The following EXPH5 variants were observed in gnomAD, a reference collection of about 807,000 sequenced individuals.
The protein encoded by EXPH5 is exophilin-5.
Under a neutral mutation model 41.1 loss-of-function variants are expected in EXPH5, and 42 were observed. The observed-to-expected ratio is 1.02, with a 90% CI of 0.80 to 1.32. EXPH5 has a LOEUF of 1.32. Among genes scored for constraint, EXPH5 ranks in the 40% most tolerant of loss-of-function variants. EXPH5 has a pLI of 0.00. For synonymous variants in EXPH5, 798 were observed against 833.5 expected, an observed-to-expected ratio of 0.96 and a Z score of 0.73; for missense variants, 2,298 against 2,314.5, an observed-to-expected ratio of 0.99 and a Z score of 0.15.
In EXPH5 at chr11:108,506,500, C is replaced by T. The variant is rs2135883710; in HGVS notation, c.*3037G>A. On this transcript the variant is annotated 3_prime_UTR_variant, in exon 6 of 6. Coordinates refer to ENST00000265843, the MANE Select transcript of EXPH5 (RefSeq NM_015065.3). Reference sequence around the variant, plus strand: ...CTAACTTACCTAACTCTTAATATAGCCTAAACTCACTGAAAAATAAGCTAA... The same window carrying T: ...CTAACTTACCTAACTCTTAATATAGTCTAAACTCACTGAAAAATAAGCTAA... 6.6e-6 allele frequency: 1 copy of T among 152,176 alleles called. No homozygotes were observed. The highest frequency in any genetic ancestry group is 2.4e-5 in the African/African-American group (1 of 41,502). The allele number at this position is 152,176 out of a possible 1,614,324, so 9.4% of individuals were successfully genotyped here.
At chr11:108,526,198 T>C (rs189242915) in intron 4 of EXPH5, among the ~76,000 whole-genome samples, 56 of 152,242 alleles carry the variant, frequency 3.7e-4, no homozygotes, top group African/African-American at 1.3e-3. Context: ...GTTGAGATTA[T>C]AGGCATGAAC....
In EXPH5 at chr11:108,508,173, C is replaced by T. The variant is rs1281822215; in HGVS notation, c.*1364G>A. 1 of 151,974 alleles carries T rather than the reference C, an allele frequency of 6.6e-6. No individual in the cohort carries two copies. The highest frequency in any genetic ancestry group is 6.6e-5 in the Admixed American group (1 of 15,174). The allele number at this position is 151,974 out of a possible 1,614,324, so 9.4% of individuals were successfully genotyped here. Reference sequence around the variant, plus strand: ...TAGCCTGAGCAACAAGAACAAGACTCCACCTCAAAACAAAAACAAAAACAA... The same window carrying T: ...TAGCCTGAGCAACAAGAACAAGACTTCACCTCAAAACAAAAACAAAAACAA... On this transcript the variant is annotated 3_prime_UTR_variant, in exon 6 of 6. Transcript: ENST00000265843.
intron 1 of EXPH5, among the ~76,000 whole-genome samples, chr11:108,590,109 G>C (rs2094123913): frequency 6.6e-6 from 1 of 152,154 alleles, no homozygotes; most frequent in East Asian, 1.9e-4. Context: ...CAAGCGTAAG[G>C]CGTATCTTGA....
At chr11:108,572,275 G>A (rs2094063071) in intron 1 of EXPH5, among the ~76,000 whole-genome samples, 1 of 152,140 alleles carries the variant, frequency 6.6e-6, no homozygotes, top group Non-Finnish European at 1.5e-5. Context: ...TAGCTCCGGG[G>A]CAGAAGAACC....
rs1372386915 is a variant in EXPH5, at chr11:108,508,524, A to G, written c.*1013T>C. 6.6e-6 allele frequency: 1 copy of G among 152,632 alleles called. No individual in the cohort carries two copies. Among genetic ancestry groups the G allele is most frequent in the Non-Finnish European group, 1.5e-5 (1 of 68,384 alleles). The allele number at this position is 152,632 out of a possible 1,614,324, so 9.5% of individuals were successfully genotyped here. On this transcript the variant is annotated 3_prime_UTR_variant, in exon 6 of 6. Coordinates refer to ENST00000265843, the MANE Select transcript of EXPH5 (RefSeq NM_015065.3). ...TCCGTCTCCAAAAAACAAAAACAAAACAAAACCAAACAAAAAACAAAAACA... is the reference window on the plus strand; with the variant it reads ...TCCGTCTCCAAAAAACAAAAACAAAGCAAAACCAAACAAAAAACAAAAACA...
intron 4 of EXPH5, among the ~76,000 whole-genome samples, chr11:108,521,044 C>T (rs1164313735): frequency 7.9e-5 from 12 of 152,194 alleles, no homozygotes; most frequent in Admixed American, 7.9e-4. Flanking sequence ...CTCTGTCACT[C>T]ATGACTCCAC....
chr11:108,541,618 G>T (rs1455919934), intron 2 of EXPH5, 34 bp downstream of exon 2: 4 of 1,480,740 alleles, frequency 2.7e-6, no homozygotes, highest in South Asian at 1.2e-5. Flanking sequence ...CAGAAACAAA[G>T]AAATCAACTT....
chr11:108,511,714 A>G lies in EXPH5; in HGVS notation c.3793T>C (p.Cys1265Arg), dbSNP rs777876930. 9 of 1,608,426 alleles carry G rather than the reference A, an allele frequency of 5.6e-6. No individual in the cohort carries two copies. The highest frequency in any genetic ancestry group is 3.4e-5 in the Admixed American group (2 of 58,434). The change falls in exon 6 of 6, where the codon TGT becomes CGT. Residue 1265 changes from cysteine (C) to arginine (R), a missense_variant. Physicochemically the swap from Cys to Arg is radical, Grantham distance 180. Coordinates refer to ENST00000265843, the MANE Select transcript of EXPH5 (RefSeq NM_015065.3). The part of the protein sequence containing the change: ...TLPRKPSKKF[C>R]NLLQQYTQNT... ...TGTGTATACTGTTGAAGGAGGTTACAGAATTTTTTGCTGGGTTTCCTCGGT... is the reference window on the plus strand; with the variant it reads ...TGTGTATACTGTTGAAGGAGGTTACGGAATTTTTTGCTGGGTTTCCTCGGT...
At chr11:108,598,518 C>T (rs1240395637), upstream of EXPH5, among the ~76,000 whole-genome samples, 5 of 96,144 alleles carry the variant, frequency 5.2e-5, no homozygotes, top group African/African-American at 1.2e-4. Context: ...GTGTGATAAA[C>T]GCTATGAAGA....
Position 108,513,005 on chromosome 11 carries a change from A to T in EXPH5, c.2502T>A (p.Thr834=). 6.2e-7 allele frequency: 1 copy of T among 1,613,964 alleles called. No homozygotes were observed. Among genetic ancestry groups the T allele is most frequent in the Non-Finnish European group, 8.5e-7 (1 of 1,179,918 alleles). The change falls in exon 6 of 6, where the codon ACT becomes ACA. Residue 834 remains threonine (T), a synonymous_variant. Coordinates refer to ENST00000265843, the MANE Select transcript of EXPH5 (RefSeq NM_015065.3). ...TTCTTGAAATATCTTCATTATTTAC[A>T]GTTAATTCCTGGTGACAACCTTGGT... The part of the protein sequence containing the change: ...RTDQGCHQEL[T]VNNEDISRII...
At chr11:108,557,277 G>T (rs1210426177) in intron 1 of EXPH5, among the ~76,000 whole-genome samples, 1 of 152,084 alleles carries the variant, frequency 6.6e-6, no homozygotes, top group Non-Finnish European at 1.5e-5. Flanking sequence ...CAGAAAACAA[G>T]ACAGACAATG....
intron 3 of EXPH5, among the ~76,000 whole-genome samples, chr11:108,533,297 G>A (rs887326113): frequency 1.3e-5 from 2 of 151,788 alleles, no homozygotes; most frequent in South Asian, 2.1e-4. Flanking sequence ...TCTGCCTCCC[G>A]GGTTCGAGTG....
At chr11:108,562,882 A>G (rs974789295) in intron 1 of EXPH5, among the ~76,000 whole-genome samples, 1 of 152,202 alleles carries the variant, frequency 6.6e-6, no homozygotes, top group Non-Finnish European at 1.5e-5. Flanking sequence ...GTGTGTGTAC[A>G]TATGTTCATT....
Position 108,509,661 on chromosome 11 carries a change from C to T in EXPH5, c.5846G>A (p.Gly1949Asp), listed in dbSNP as rs1565764355. 1 of 1,613,946 alleles carries T rather than the reference C, an allele frequency of 6.2e-7. No homozygotes were observed. Residue 1949 changes from glycine to aspartate, a missense_variant, in exon 6 of 6, where the codon GGC (glycine) becomes GAC (aspartate). Gly to Asp is a moderately conservative substitution (Grantham distance 94, BLOSUM62 -1). Coordinates refer to ENST00000265843, the MANE Select transcript of EXPH5 (RefSeq NM_015065.3). ...ATTAAGCGGTTCACTTGGAGATAAG[C>T]CATCTTCTGGCACCTGACTACTGGG... ...NSPSSQVPEDGLSPSEPLNIY... is the reference protein window; with the variant it reads ...NSPSSQVPEDDLSPSEPLNIY...
Position 108,510,051 on chromosome 11 carries a change from T to C in EXPH5, c.5456A>G (p.His1819Arg). ...KSHPPKVRER[H>R]FSESTSIDNA... ...GTCAATAGAAGTGCTTTCAGAAAAATGGCGCTCCCTGACTTTTGGAGGATG... is the reference window on the plus strand; with the variant it reads ...GTCAATAGAAGTGCTTTCAGAAAAACGGCGCTCCCTGACTTTTGGAGGATG... Residue 1819 changes from histidine (H) to arginine (R), a missense_variant, in exon 6 of 6, where the codon CAT becomes CGT. Coordinates refer to ENST00000265843, the MANE Select transcript of EXPH5 (RefSeq NM_015065.3). 1.2e-6 allele frequency: 2 copies of C among 1,611,272 alleles called. No homozygotes were observed. Among genetic ancestry groups the C allele is most frequent in the South Asian group, 1.1e-5 (1 of 90,530 alleles).
At chr11:108,582,836 C>A (rs1454785877) in intron 1 of EXPH5, among the ~76,000 whole-genome samples, 1 of 152,210 alleles carries the variant, frequency 6.6e-6, no homozygotes, top group Non-Finnish European at 1.5e-5. Flanking sequence ...CTGCACAAAG[C>A]ATTCTCCCTG....
Position 108,512,647 on chromosome 11 carries a change from C to A in EXPH5, c.2860G>T (p.Asp954Tyr). The change falls in exon 6 of 6, where the codon GAT becomes TAT. Residue 954 changes from aspartate (D) to tyrosine (Y), a missense_variant. By Grantham distance (160) the Asp-to-Tyr change is radical (BLOSUM62 -3). Coordinates refer to ENST00000265843, the MANE Select transcript of EXPH5 (RefSeq NM_015065.3). ...ERNDSPVPTH[D>Y]EVVDVKCHSH... Reference sequence around the variant, plus strand: ...TGGCATTTGACATCAACCACTTCATCATGTGTAGGCACAGGACTATCATTT... The same window carrying A: ...TGGCATTTGACATCAACCACTTCATAATGTGTAGGCACAGGACTATCATTT... 1 of 1,614,078 alleles carries A rather than the reference C, an allele frequency of 6.2e-7. No individual in the cohort carries two copies. Among genetic ancestry groups the A allele is most frequent in the South Asian group, 1.1e-5 (1 of 91,034 alleles).
At chr11:108,559,750 C>T (rs2094004051) in intron 1 of EXPH5, among the ~76,000 whole-genome samples, 1 of 152,104 alleles carries the variant, frequency 6.6e-6, no homozygotes, top group Admixed American at 6.6e-5. Context: ...GAAAAGAAGA[C>T]AGAAAGAGCA....
At chr11:108,520,845 A>G (rs1245825237) in intron 4 of EXPH5, among the ~76,000 whole-genome samples, 2 of 152,240 alleles carry the variant, frequency 1.3e-5, no homozygotes, top group Non-Finnish European at 2.9e-5. Flanking sequence ...CTGGGATTAC[A>G]GGCATGAGCC....
Sources: gnomAD v4.1 joint callset for allele counts (sites outside exome capture counted in the v4.1 genomes callset) on GRCh38, gnomAD v4.1.1 for gene constraint, MANE v1.5 for transcripts, NCBI Gene and HGNC (gene_info 2026-07-23, HGNC 2026-07-21) for gene names.